Variants in TYW1 observed in about 807,000 individuals in gnomAD.
The protein encoded by TYW1 is S-adenosyl-L-methionine-dependent tRNA 4-demethylwyosine synthase TYW1.
Under a neutral mutation model 96.2 loss-of-function variants are expected in TYW1, and 46 were observed. That is an observed-to-expected ratio of 0.48 (90% CI 0.38 to 0.61). TYW1 has a LOEUF of 0.61. Among genes scored for constraint, TYW1 ranks in the 20% least tolerant of loss-of-function variants. The pLI is 0.00. For missense variants in TYW1, 684 were observed against 909.6 expected, an observed-to-expected ratio of 0.75 and a Z score of 3.19; for synonymous variants, 274 against 323.0, an observed-to-expected ratio of 0.85 and a Z score of 1.63.
In TYW1 at chr7:67,179,940, C is replaced by T. The variant is rs1242947990; in HGVS notation, c.1699-3186C>T. On this transcript the variant is annotated intron_variant, in intron 13 of 15. Transcript: ENST00000359626. The stretch of plus-strand genomic sequence containing the variant: ...AGTGCGTTGGTGTGATCATGGCTCA[C>T]GGCAGCCTCCACCTCCCAAGCTCAA... 9.8e-5 allele frequency among the ~76,000 whole-genome samples: 12 copies of T among 122,884 alleles called. 1 individual carries two copies. Among genetic ancestry groups the T allele is most frequent in the Admixed American group, 3.2e-4 (4 of 12,346 alleles). 80.6% of individuals were successfully genotyped at this position (122,884 alleles called of 152,430 possible).
At chr7:67,177,880 A>T (rs541491065) in intron 13 of TYW1, among the ~76,000 whole-genome samples, 24 of 151,378 alleles carry the variant, frequency 1.6e-4, no homozygotes, top group African/African-American at 5.1e-4. Context: ...ACAGCTGGGC[A>T]CGTTGGCTCA....
chr7:67,195,212 A>G lies in TYW1; in HGVS notation c.1852A>G (p.Met618Val). 1 of 1,613,864 alleles carries G rather than the reference A, an allele frequency of 6.2e-7. No homozygotes were observed. The highest frequency in any genetic ancestry group is 8.5e-7 in the Non-Finnish European group (1 of 1,179,988). The change falls in exon 15 of 16, where the codon ATG becomes GTG. Residue 618 changes from methionine to valine, a missense_variant. By Grantham distance (21) the Met-to-Val change is conservative. Coordinates refer to ENST00000359626, the MANE Select transcript of TYW1 (RefSeq NM_018264.4). ...AGAAAGTTCAGCAAGCAGTCTTACCATGGCCCACGTGCCCTGGCATGAGGA... is the reference window on the plus strand; with the variant it reads ...AGAAAGTTCAGCAAGCAGTCTTACCGTGGCCCACGTGCCCTGGCATGAGGA... ...CGESSASSLT[M>V]AHVPWHEEVV...
At chr7:67,032,769 A>G (rs1438793289) in intron 7 of TYW1, among the ~76,000 whole-genome samples, 2 of 151,792 alleles carry the variant, frequency 1.3e-5, no homozygotes, top group Admixed American at 1.3e-4. Flanking sequence ...TTCCATGACC[A>G]TCTCCCTGGC....
intron 10 of TYW1, 80 bp from the exon 11 acceptor site, chr7:67,083,350 A>G: frequency 7.0e-7 from 1 of 1,426,220 alleles, no homozygotes; most frequent in African/African-American, 1.4e-5. Flanking sequence ...TGATTTTTAA[A>G]AATGGATGAC....
At chr7:67,028,238 C>CAAA (rs58455978) in intron 7 of TYW1, among the ~76,000 whole-genome samples, 1 of 105,492 alleles carries the variant, frequency 9.5e-6, no homozygotes. Flanking sequence ...GACTCTGTCT[C>CAAA]AAAAAAAAAA....
intron 4 of TYW1, among the ~76,000 whole-genome samples, chr7:67,013,180 G>A (rs80186674): frequency 1.3e-5 from 2 of 149,944 alleles, no homozygotes; most frequent in East Asian, 2.0e-4. Context: ...CAGTGTGCAG[G>A]GGTGTGATGG....
At chr7:67,126,572 T>C (rs1199810703) in intron 13 of TYW1, among the ~76,000 whole-genome samples, 5 of 152,210 alleles carry the variant, frequency 3.3e-5, no homozygotes, top group African/African-American at 1.2e-4. Context: ...TCCTGTGTTA[T>C]CTTCTAGAAC....
intron 1 of TYW1, 138 bp downstream of exon 1, chr7:66,997,120 G>C (rs1319666286): frequency 6.6e-7 from 1 of 1,509,582 alleles, no homozygotes; most frequent in African/African-American, 1.4e-5. Context: ...GCTAGTCGCC[G>C]CTGAGAGCAA....
At chr7:67,118,499 A>G in intron 13 of TYW1, among the ~76,000 whole-genome samples, 1 of 151,976 alleles carries the variant, frequency 6.6e-6, no homozygotes, top group Admixed American at 6.6e-5. Context: ...GTGACTTTTA[A>G]TTGTTTTATT....
chr7:67,230,888 C>T (rs1801733135), intron 15 of TYW1, among the ~76,000 whole-genome samples: 1 of 152,012 alleles, frequency 6.6e-6, no homozygotes, highest in Middle Eastern at 3.2e-3. Flanking sequence ...GATCCACCCA[C>T]CTCGGCCTCC....
At chr7:67,143,607 G>A (rs1435787656) in intron 13 of TYW1, among the ~76,000 whole-genome samples, 1 of 152,170 alleles carries the variant, frequency 6.6e-6, no homozygotes, top group East Asian at 1.9e-4. Flanking sequence ...GAGCAGTTCA[G>A]TTCCACCAGA....
rs1258410091 is a variant in TYW1 at position 66,999,078 on chromosome 7, T to G, written c.273+124T>G. 9 of 1,003,444 alleles carry G rather than the reference T, an allele frequency of 9.0e-6. No individual in the cohort carries two copies. In the African/African-American group the frequency reaches 1.1e-4, roughly 13 times the overall value. The allele number at this position is 1,003,444 out of a possible 1,614,324, so 62.2% of individuals were successfully genotyped here. On this transcript the variant is annotated intron_variant, in intron 3 of 15. Transcript: ENST00000359626. Reference sequence around the variant, plus strand: ...ACTGAATTGGTCATCTAACCTTCTTTATTCTTTCTCCCAGCCTTTTCCCCT... The same window carrying G: ...ACTGAATTGGTCATCTAACCTTCTTGATTCTTTCTCCCAGCCTTTTCCCCT...
At chr7:67,223,723 G>T (rs563390763) in intron 15 of TYW1, among the ~76,000 whole-genome samples, 6 of 151,720 alleles carry the variant, frequency 4.0e-5, no homozygotes, top group African/African-American at 1.2e-4. Context: ...CTTAGAAGCT[G>T]CATGCAAGCT....
chr7:67,006,810 T>C (rs1793609892), intron 3 of TYW1, among the ~76,000 whole-genome samples: 1 of 151,962 alleles, frequency 6.6e-6, no homozygotes, highest in Non-Finnish European at 1.5e-5. Flanking sequence ...GTTTATTTGG[T>C]TCATGGTTCT....
intron 11 of TYW1, among the ~76,000 whole-genome samples, chr7:67,096,780 G>A (rs1796934846): frequency 6.6e-6 from 1 of 151,912 alleles, no homozygotes; most frequent in Non-Finnish European, 1.5e-5. Context: ...TCCCCTCTAT[G>A]TGTTCATGTG....
chr7:67,148,148 G>C (rs1169393835), intron 13 of TYW1, among the ~76,000 whole-genome samples: 1 of 152,020 alleles, frequency 6.6e-6, no homozygotes, highest in South Asian at 2.1e-4. Context: ...TTATTGGTCT[G>C]TTGGTTTGAA....
intron 15 of TYW1, among the ~76,000 whole-genome samples, chr7:67,202,431 C>T (rs1231362562): frequency 6.6e-6 from 1 of 152,148 alleles, no homozygotes; most frequent in Admixed American, 6.5e-5. Flanking sequence ...TCATCTCGCT[C>T]TGTCACCCAG....
At chr7:67,109,518 C>G (rs189955094) in intron 12 of TYW1, among the ~76,000 whole-genome samples, 30 of 152,282 alleles carry the variant, frequency 2.0e-4, no homozygotes, top group Admixed American at 1.6e-3. Flanking sequence ...ATGGTTGCAT[C>G]TCAGTAAGAA....
chr7:67,230,509 C>T (rs1440213153), intron 15 of TYW1, among the ~76,000 whole-genome samples: 12 of 152,040 alleles, frequency 7.9e-5, no homozygotes, highest in Non-Finnish European at 1.8e-4. Flanking sequence ...AACACAAACA[C>T]ACCTCCATTT....
Sources: allele counts gnomAD v4.1 joint callset (sites outside exome capture counted in the v4.1 genomes callset), GRCh38; gene constraint gnomAD v4.1.1; transcripts MANE v1.5; gene names NCBI Gene and HGNC (gene_info 2026-07-23, HGNC 2026-07-21).